The following TMPRSS11A variants were observed in gnomAD, a reference collection of about 807,000 sequenced individuals.
TMPRSS11A encodes transmembrane serine protease 11A, also known as transmembrane protease serine 11A.
Under a neutral mutation model 58.9 loss-of-function variants are expected in TMPRSS11A, and 53 were observed. The observed-to-expected ratio is 0.90, with a 90% CI of 0.72 to 1.13. The LOEUF (loss-of-function observed/expected upper bound fraction) is 1.13. TMPRSS11A is among the 50% of genes most tolerant of loss of function. The pLI is 0.00. For missense variants in TMPRSS11A, 493 were observed against 499.3 expected (o/e 0.99, Z 0.12); for synonymous variants, 167 against 169.8 (o/e 0.98, Z 0.13).
chr4:67,946,469 C>T lies in TMPRSS11A; in HGVS notation c.114G>A (p.Leu38=), dbSNP rs923072993. Residue 38 remains leucine, a synonymous_variant, in exon 2 of 10, where the codon CTG becomes CTA. Transcript: ENST00000508048. ...LTVVAVTIGL[L]VHFLVFDQKK... Reference sequence around the variant, plus strand: ...ACCTACCAAATACTAGGAAGTGAACCAGGAGACCTATGGTCACTGCCACCA... The same window carrying T: ...ACCTACCAAATACTAGGAAGTGAACTAGGAGACCTATGGTCACTGCCACCA... 4 of 1,603,398 alleles carry T rather than the reference C, an allele frequency of 2.5e-6. No individual in the cohort carries two copies. Among genetic ancestry groups the T allele is most frequent in the African/African-American group, 1.3e-5 (1 of 74,306 alleles).
chr4:67,936,323 A>C (rs1161103286), intron 3 of TMPRSS11A, among the ~76,000 whole-genome samples: 1 of 141,552 alleles, frequency 7.1e-6, no homozygotes, highest in African/African-American at 2.7e-5. Context: ...TATCTGTATA[A>C]AACTCTAGGT....
intron 5 of TMPRSS11A, among the ~76,000 whole-genome samples, chr4:67,925,817 G>A (rs1001783157): frequency 4.4e-4 from 67 of 152,214 alleles, no homozygotes; most frequent in Non-Finnish European, 7.3e-5. Flanking sequence ...CAGGATGCAA[G>A]TTAGCCATTT....
chr4:67,951,587 TA>T (rs1156495586), intron 1 of TMPRSS11A, among the ~76,000 whole-genome samples: 104 of 50,952 alleles, frequency 2.0e-3, no homozygotes, highest in African/African-American at 7.7e-3. Context: ...TTTGGGGGGA[TA>T]TTTTTTTTTT....
intron 1 of TMPRSS11A, among the ~76,000 whole-genome samples, chr4:67,957,780 T>A (rs1721322958): frequency 6.6e-6 from 1 of 152,104 alleles, no homozygotes; most frequent in African/African-American, 2.4e-5. Flanking sequence ...CCAGGGCATG[T>A]CAGAGGTCTT....
intron 3 of TMPRSS11A, among the ~76,000 whole-genome samples, chr4:67,943,012 T>A (rs946231239): frequency 6.9e-6 from 1 of 145,734 alleles, no homozygotes; most frequent in African/African-American, 2.6e-5. Context: ...GAATACCACA[T>A]GAAACATAGA....
intron 3 of TMPRSS11A, among the ~76,000 whole-genome samples, chr4:67,941,092 CA>C (rs1203679171): frequency 6.6e-6 from 1 of 152,168 alleles, no homozygotes; most frequent in African/African-American, 2.4e-5. Context: ...TCTCAGGGAA[CA>C]GGGGCGGATT....
At position 67,929,807 on chromosome 4, in the gene TMPRSS11A, A is replaced by G. The variant is rs78273133; in HGVS notation, c.481+73T>C. On this transcript the variant is annotated intron_variant, in intron 5 of 9. Coordinates refer to ENST00000508048, the MANE Select transcript of TMPRSS11A (RefSeq NM_001114387.2). ...TATTATTTGAAATGGAAATAATGAC[A>G]AATAAATTTGAGATTCGTCAAAACA... The G allele has an allele frequency of 3.3e-3, 4,313 of 1,298,390 alleles. 99 individuals are homozygous for G. The African/African-American group carries it at 0.057, about 17-fold the overall frequency. The allele number at this position is 1,298,390 out of a possible 1,614,324, so 80.4% of individuals were successfully genotyped here.
chr4:67,946,477 C>T lies in TMPRSS11A; in HGVS notation c.106G>A (p.Gly36Ser). ...LSLTVVAVTI[G>S]LLVHFLVFDQ... ...AATACTAGGAAGTGAACCAGGAGAC[C>T]TATGGTCACTGCCACCACTGTCAGG... The change falls in exon 2 of 10, where the codon GGT becomes AGT. Residue 36 changes from glycine (G) to serine (S), a missense_variant. Transcript: ENST00000508048. 4 of 1,607,628 alleles carry T rather than the reference C, an allele frequency of 2.5e-6. No individual in the cohort carries two copies. Among genetic ancestry groups the T allele is most frequent in the Non-Finnish European group, 3.4e-6 (4 of 1,176,988 alleles).
chr4:67,960,850 T>C (rs1041704951), intron 1 of TMPRSS11A, among the ~76,000 whole-genome samples: 11 of 152,350 alleles, frequency 7.2e-5, no homozygotes, highest in Middle Eastern at 3.4e-3. Flanking sequence ...TTCTGATTTT[T>C]TGCATTTATT....
In TMPRSS11A at chr4:67,938,631, A is replaced by C. The variant is rs181903168; in HGVS notation, c.252+5888T>G. Among the ~76,000 whole-genome samples the C allele has an allele frequency of 2.9e-3, 447 of 152,274 alleles. 3 individuals are homozygous for C. Among genetic ancestry groups the C allele is most frequent in the African/African-American group, 0.01 (427 of 41,564 alleles). On this transcript the variant is annotated intron_variant, in intron 3 of 9. Transcript: ENST00000508048. ...CAATTTCATTTTTCTGCTTCTGACT[A>C]GCTAGCTATTCCAGCACCATTTATT...
At chr4:67,937,271 C>T (rs1297533516) in intron 3 of TMPRSS11A, among the ~76,000 whole-genome samples, 1 of 152,124 alleles carries the variant, frequency 6.6e-6, no homozygotes, top group African/African-American at 2.4e-5. Flanking sequence ...GATGTACATA[C>T]ACATGTCAAT....
At position 67,911,044 on chromosome 4, in the gene TMPRSS11A, CT is replaced by C. The variant is rs943868759; in HGVS notation, c.*297del. 1.4e-4 allele frequency: 32 copies of C among 221,814 alleles called. No homozygotes were observed. The highest frequency in any genetic ancestry group is 4.9e-4 in the Admixed American group (9 of 18,368). The allele number at this position is 221,814 out of a possible 1,614,324, so 13.7% of individuals were successfully genotyped here. A position where few individuals can be genotyped will look rare whatever the true frequency, so the allele number is the denominator to read the frequency against. ...AACGACATTCTAAAAATCCCATGGACTATCTTCAAAAATATGTATTGAGTCT... is the reference window on the plus strand; with the variant it reads ...AACGACATTCTAAAAATCCCATGGACATCTTCAAAAATATGTATTGAGTCT... On this transcript the variant is annotated 3_prime_UTR_variant, in exon 10 of 10. Coordinates refer to ENST00000508048, the MANE Select transcript of TMPRSS11A (RefSeq NM_001114387.2).
At chr4:67,920,222 GT>G in intron 7 of TMPRSS11A, among the ~76,000 whole-genome samples, 1 of 152,160 alleles carries the variant, frequency 6.6e-6, no homozygotes, top group African/African-American at 2.4e-5. Context: ...TAAAGACTGT[GT>G]TTTATACTTA....
chr4:67,920,863 C>A (rs1560564395), intron 7 of TMPRSS11A, among the ~76,000 whole-genome samples: 1 of 152,098 alleles, frequency 6.6e-6, no homozygotes, highest in South Asian at 2.1e-4. Context: ...TATACATACA[C>A]CATGGAATGC....
intron 7 of TMPRSS11A, among the ~76,000 whole-genome samples, chr4:67,922,490 A>C (rs188976460): frequency 8.5e-5 from 13 of 152,342 alleles, no homozygotes; most frequent in Admixed American, 5.9e-4. Flanking sequence ...TTAGGATGTC[A>C]CAAAATAGTT....
chr4:67,911,871 A>T (rs1028362762), intron 9 of TMPRSS11A, among the ~76,000 whole-genome samples: 3 of 152,144 alleles, frequency 2.0e-5, no homozygotes, highest in Admixed American at 6.6e-5. Flanking sequence ...CCTTATCACT[A>T]GATAATATGC....
Position 67,914,680 on chromosome 4 carries a change from C to T in TMPRSS11A, c.1003G>A (p.Asp335Asn), listed in dbSNP as rs748931509. The change falls in exon 9 of 10, where the codon GAT becomes AAT. Residue 335 changes from aspartate to asparagine, a missense_variant. Asp to Asn is a conservative substitution (Grantham distance 23, BLOSUM62 1). Transcript: ENST00000508048. ...TACACCTGTGGTTGCTTGCAGACATCATCACTTATGATTTTCACTCTGGCT... is the reference window on the plus strand; with the variant it reads ...TACACCTGTGGTTGCTTGCAGACATTATCACTTATGATTTTCACTCTGGCT... Reference protein sequence around the residue: ...REARVKIISDDVCKQPQVYGN... With the variant: ...REARVKIISDNVCKQPQVYGN... The T allele has an allele frequency of 2.5e-6, 4 of 1,613,198 alleles. No individual in the cohort carries two copies. The highest frequency in any genetic ancestry group is 1.3e-5 in the African/African-American group (1 of 74,992).
chr4:67,961,482 C>CTTTTTTTTTTTTTTTTTTT (rs1721418705), intron 1 of TMPRSS11A, among the ~76,000 whole-genome samples: 1 of 102,454 alleles, frequency 9.8e-6, no homozygotes, highest in African/African-American at 4.8e-5. Context: ...CTTTTCTTTT[C>CTTTTTTTTTTTTTTTTTTT]CTTTTTTTTT....
intron 3 of TMPRSS11A, among the ~76,000 whole-genome samples, chr4:67,932,776 G>T (rs147234931): frequency 2.3e-4 from 35 of 152,002 alleles, no homozygotes; most frequent in Non-Finnish European, 8.8e-5. Context: ...TGGACTCTAG[G>T]GTAAATCAGG....
Sources: allele counts gnomAD v4.1 joint callset (sites outside exome capture counted in the v4.1 genomes callset), GRCh38; gene constraint gnomAD v4.1.1; transcripts MANE v1.5; gene names NCBI Gene and HGNC (gene_info 2026-07-23, HGNC 2026-07-21).